Variants in PLCG2 observed in about 807,000 individuals in gnomAD.
The protein encoded by PLCG2 is phospholipase C gamma 2, also known as 1-phosphatidylinositol 4,5-bisphosphate phosphodiesterase gamma-2.
Under a neutral mutation model 175.6 loss-of-function variants are expected in PLCG2, and 69 were observed. The observed-to-expected ratio is 0.39, with a 90% CI of 0.32 to 0.48. PLCG2 has a LOEUF of 0.48. Ranked by LOEUF, PLCG2 falls within the 20% of genes least tolerant of loss-of-function variation. PLCG2 has a pLI of 0.91. For synonymous variants in PLCG2, 827 were observed against 624.0 expected, an observed-to-expected ratio of 1.33 and a Z score of -4.85; for missense variants, 1,798 against 1,650.9, an observed-to-expected ratio of 1.09 and a Z score of -1.54.
intron 2 of PLCG2, among the ~76,000 whole-genome samples, chr16:81,799,747 C>T (rs1247024404): frequency 6.6e-6 from 1 of 152,084 alleles, no homozygotes; most frequent in Non-Finnish European, 1.5e-5. Flanking sequence ...CGCCCGCCAC[C>T]ACACTTGGCT....
chr16:81,832,916 G>A (rs1905324844), intron 2 of PLCG2, among the ~76,000 whole-genome samples: 2 of 152,232 alleles, frequency 1.3e-5, no homozygotes, highest in African/African-American at 4.8e-5. Flanking sequence ...CAGGCAGCCA[G>A]TGGTCAGCCG....
intron 19 of PLCG2, among the ~76,000 whole-genome samples, chr16:81,915,148 G>C (rs537634363): frequency 6.6e-6 from 1 of 152,310 alleles, no homozygotes; most frequent in East Asian, 1.9e-4. Flanking sequence ...TGCTACAAAG[G>C]GATTGGTCAG....
chr16:81,834,616 G>A (rs1326935249), intron 2 of PLCG2, among the ~76,000 whole-genome samples: 2 of 152,204 alleles, frequency 1.3e-5, no homozygotes, highest in Admixed American at 6.5e-5. Context: ...TGCTGCTGTT[G>A]GGAGTTTCAG....
intron 1 of PLCG2, among the ~76,000 whole-genome samples, chr16:81,780,704 A>G (rs146038728): frequency 8.5e-5 from 13 of 152,200 alleles, no homozygotes; most frequent in African/African-American, 2.9e-4. Flanking sequence ...GGTAGAGTCA[A>G]TGAAAAGCTG....
chr16:81,763,463 C>G (rs1910081413), intron 2 of PLCG2, among the ~76,000 whole-genome samples: 1 of 152,212 alleles, frequency 6.6e-6, no homozygotes, highest in Non-Finnish European at 1.5e-5. Flanking sequence ...CCAAGGTGTC[C>G]TCCCTCTCAC....
chr16:81,851,605 C>T (rs539299362), intron 2 of PLCG2, among the ~76,000 whole-genome samples: 10 of 152,284 alleles, frequency 6.6e-5, no homozygotes, highest in African/African-American at 1.9e-4. Flanking sequence ...CTCCGCCTCC[C>T]GAGTTCAGGC....
At chr16:81,957,115 A>G (rs529841447) in intron 32 of PLCG2, among the ~76,000 whole-genome samples, 29 of 152,122 alleles carry the variant, frequency 1.9e-4, no homozygotes, top group African/African-American at 5.8e-4. Context: ...CGTGCCCAAC[A>G]TGGAGAAACC....
chr16:81,935,385 A>T, intron 26 of PLCG2, among the ~76,000 whole-genome samples: 1 of 152,080 alleles, frequency 6.6e-6, no homozygotes, highest in South Asian at 2.1e-4. Context: ...TGACATGCAC[A>T]GGCTCCAGAT....
chr16:81,860,174 T>TA (rs1555513305), intron 5 of PLCG2, among the ~76,000 whole-genome samples: 12,877 of 95,984 alleles, frequency 0.13, 496 homozygotes, highest in Middle Eastern at 0.19. Flanking sequence ...TTATTATTAT[T>TA]TTTTTTTTTT....
upstream of PLCG2, among the ~76,000 whole-genome samples, chr16:81,778,907 C>G (rs986230857): frequency 6.6e-6 from 1 of 152,244 alleles, no homozygotes; most frequent in Admixed American, 6.5e-5. Flanking sequence ...ACGATCCTCC[C>G]GTCTAGGCTT....
At chr16:81,903,668 A>T (rs751914464) in intron 14 of PLCG2, among the ~76,000 whole-genome samples, 1 of 152,162 alleles carries the variant, frequency 6.6e-6, no homozygotes, top group Non-Finnish European at 1.5e-5. Context: ...GAGCTCGGCC[A>T]TGGAGGGTCC....
intron 30 of PLCG2, among the ~76,000 whole-genome samples, chr16:81,940,915 C>T (rs1171888130): frequency 1.3e-5 from 2 of 152,160 alleles, no homozygotes; most frequent in African/African-American, 4.8e-5. Context: ...CCTTCTTCCT[C>T]TTCCTTTAGT....
chr16:81,774,177 CAAAAAAAAAAA>C (rs57503150), intron 2 of PLCG2, among the ~76,000 whole-genome samples: 1 of 40,532 alleles, frequency 2.5e-5, no homozygotes, highest in Admixed American at 4.0e-4. Context: ...ACTAAAAATA[CAAAAAAAAAAA>C]AAAAAAAAAA....
chr16:81,938,425 C>G, intron 28 of PLCG2: 2 of 246,562 alleles, frequency 8.1e-6, no homozygotes, highest in Admixed American at 4.9e-5. Flanking sequence ...TTTAAATAAA[C>G]AGCAGTTATA....
chr16:81,791,752 A>G (rs1911240912), intron 2 of PLCG2, among the ~76,000 whole-genome samples: 1 of 152,062 alleles, frequency 6.6e-6, no homozygotes, highest in Non-Finnish European at 1.5e-5. Flanking sequence ...TTTAGTAGAG[A>G]TGGGCTTTCA....
intron 7 of PLCG2, among the ~76,000 whole-genome samples, chr16:81,872,082 A>G (rs952629812): frequency 6.6e-5 from 10 of 152,188 alleles, no homozygotes; most frequent in Non-Finnish European, 1.0e-4. Flanking sequence ...TAACCCCAGC[A>G]CTTTGGGAGC....
chr16:81,848,716 G>A (rs1456748010), intron 2 of PLCG2, among the ~76,000 whole-genome samples: 6 of 152,096 alleles, frequency 3.9e-5, no homozygotes, highest in African/African-American at 1.4e-4. Context: ...ATTGGGCCCC[G>A]CTGTGTGCCA....
chr16:81,812,196 C>T (rs1344250908), intron 2 of PLCG2, among the ~76,000 whole-genome samples: 8 of 151,896 alleles, frequency 5.3e-5, no homozygotes, highest in African/African-American at 1.9e-4. Context: ...ACTACAGGCA[C>T]CTGCCACCGC....
At chr16:81,805,783 G>GTTTTTTTTTTTTTTTTTTTTTTTTTTTTT (rs35014411) in intron 2 of PLCG2, among the ~76,000 whole-genome samples, 3 of 82,918 alleles carry the variant, frequency 3.6e-5, no homozygotes, top group African/African-American at 5.5e-5. Context: ...TTTTTTTTTT[G>GTTTTTTTTTTTTTTTTTTTTTTTTTTTTT]TTTTTTTTTT....
Sources: gnomAD v4.1 joint callset for allele counts (sites outside exome capture counted in the v4.1 genomes callset) on GRCh38, gnomAD v4.1.1 for gene constraint, MANE v1.5 for transcripts, NCBI Gene and HGNC (gene_info 2026-07-23, HGNC 2026-07-21) for gene names.